Variants in ADGRB3 observed in about 807,000 individuals in gnomAD.
ADGRB3 encodes brain-specific angiogenesis inhibitor 3.
Under a neutral mutation model 193.4 loss-of-function variants are expected in ADGRB3, and 37 were observed. That is an observed-to-expected ratio of 0.19 (90% CI 0.15 to 0.25). The LOEUF is 0.25. Ranked by LOEUF, ADGRB3 falls within the 10% of genes least tolerant of loss-of-function variation. ADGRB3 has a pLI of 1.00. For missense variants in ADGRB3, 1,637 were observed against 1,852.9 expected, an observed-to-expected ratio of 0.88 and a Z score of 2.14; for synonymous variants, 690 against 644.2, an observed-to-expected ratio of 1.07 and a Z score of -1.08.
At chr6:68,951,580 A>T (rs1767921068) in intron 6 of ADGRB3, among the ~76,000 whole-genome samples, 1 of 151,972 alleles carries the variant, frequency 6.6e-6, no homozygotes, top group Non-Finnish European at 1.5e-5. Context: ...ATTTTCTATA[A>T]ATCTTTACTC....
At chr6:69,176,573 C>T (rs1289266193) in intron 17 of ADGRB3, among the ~76,000 whole-genome samples, 1 of 152,090 alleles carries the variant, frequency 6.6e-6, no homozygotes, top group Non-Finnish European at 1.5e-5. Context: ...TGTCCATGTT[C>T]ATCAGGGATA....
At chr6:69,189,231 A>T (rs1561946823) in intron 17 of ADGRB3, among the ~76,000 whole-genome samples, 1 of 152,230 alleles carries the variant, frequency 6.6e-6, no homozygotes, top group African/African-American at 2.4e-5. Context: ...TGGTGCAGTC[A>T]CAATAGGAAC....
chr6:68,764,931 T>A (rs569963976), intron 3 of ADGRB3, among the ~76,000 whole-genome samples: 1 of 152,340 alleles, frequency 6.6e-6, no homozygotes, highest in South Asian at 2.1e-4. Context: ...TTTTGGAATA[T>A]CTTAGGAAAT....
chr6:69,112,821 A>C (rs1335350465), intron 17 of ADGRB3, among the ~76,000 whole-genome samples: 3 of 151,994 alleles, frequency 2.0e-5, no homozygotes, highest in African/African-American at 7.3e-5. Context: ...GCAGTGGCAC[A>C]ATCTTGGCTC....
chr6:68,982,209 T>A (rs1192012003), intron 10 of ADGRB3, among the ~76,000 whole-genome samples: 2 of 152,158 alleles, frequency 1.3e-5, no homozygotes, highest in African/African-American at 4.8e-5. Flanking sequence ...TTTTTGTCTG[T>A]CGTATCTCCT....
intron 20 of ADGRB3, among the ~76,000 whole-genome samples, chr6:69,321,630 G>A (rs1768459255): frequency 1.3e-5 from 2 of 151,720 alleles, no homozygotes; most frequent in South Asian, 4.2e-4. Flanking sequence ...GATCACTGGG[G>A]GCTTACTGAT....
intron 3 of ADGRB3, among the ~76,000 whole-genome samples, chr6:68,821,405 C>G (rs1767745940): frequency 6.6e-6 from 1 of 151,872 alleles, no homozygotes; most frequent in African/African-American, 2.4e-5. Context: ...GTACACTACT[C>G]TCACTTATCA....
intron 14 of ADGRB3, among the ~76,000 whole-genome samples, chr6:69,048,569 G>A: frequency 6.6e-6 from 1 of 152,046 alleles, no homozygotes; most frequent in East Asian, 1.9e-4. Flanking sequence ...TTATCGACCT[G>A]AGTTTGACAT....
At chr6:69,174,370 G>T (rs1229165029) in intron 17 of ADGRB3, among the ~76,000 whole-genome samples, 4 of 152,162 alleles carry the variant, frequency 2.6e-5, no homozygotes, top group African/African-American at 9.7e-5. Context: ...CCCTGTTCCT[G>T]CATGAATTTG....
intron 20 of ADGRB3, among the ~76,000 whole-genome samples, chr6:69,274,316 T>C (rs193187767): frequency 7.9e-5 from 12 of 152,322 alleles, no homozygotes; most frequent in Admixed American, 2.0e-4. Context: ...CACAAACAGC[T>C]AAACATCTTA....
rs536720541 is a variant in ADGRB3 at position 68,971,623 on chromosome 6, GA to G, written c.1526-3139del. On this transcript the variant is annotated intron_variant, in intron 8 of 31. Transcript: ENST00000370598. ...CATCAGTGAATTTTGGTATCTGCAG[GA>G]GATCCTGGTACAAATCCCCCATAGA... Among the ~76,000 whole-genome samples, 12 of 152,306 alleles carry G rather than the reference GA, an allele frequency of 7.9e-5. No individual in the cohort carries two copies. In the East Asian group the frequency reaches 2.1e-3, roughly 27 times the overall value.
intron 17 of ADGRB3, among the ~76,000 whole-genome samples, chr6:69,141,018 T>A (rs1030442080): frequency 1.3e-5 from 2 of 150,538 alleles, no homozygotes; most frequent in Non-Finnish European, 3.0e-5. Context: ...GCAGGACAAA[T>A]AAGTAAAATA....
Position 69,295,207 on chromosome 6 carries a change from C to T in ADGRB3, c.2815-29665C>T, listed in dbSNP as rs576282698. Among the ~76,000 whole-genome samples, 12 of 152,180 alleles carry T rather than the reference C, an allele frequency of 7.9e-5. No individual in the cohort carries two copies. The South Asian group carries it at 8.3e-4, about 11-fold the overall frequency. On this transcript the variant is annotated intron_variant, in intron 20 of 31. Transcript: ENST00000370598. ...GAATCCATATCTAATATATAAATAA[C>T]GAGGTAACAAGAGAAACAAACAATG... is the stretch of plus-strand genomic sequence containing the variant.
At chr6:69,345,271 T>C (rs1181709121) in intron 26 of ADGRB3, among the ~76,000 whole-genome samples, 1 of 152,186 alleles carries the variant, frequency 6.6e-6, no homozygotes, top group African/African-American at 2.4e-5. Flanking sequence ...TTTGAGGTTG[T>C]ACTGATTCTA....
intron 17 of ADGRB3, among the ~76,000 whole-genome samples, chr6:69,093,356 A>G (rs904375572): frequency 4.6e-5 from 7 of 151,674 alleles, no homozygotes; most frequent in African/African-American, 1.7e-4. Context: ...TCTAGGTTCC[A>G]GAGGGGAGGT....
chr6:68,941,381 G>T (rs1010379953), intron 5 of ADGRB3, among the ~76,000 whole-genome samples: 1 of 152,084 alleles, frequency 6.6e-6, no homozygotes, highest in Non-Finnish European at 1.5e-5. Flanking sequence ...AATGAGCCAT[G>T]AACTTTTACC....
chr6:68,874,678 T>C (rs1765542585), intron 3 of ADGRB3, among the ~76,000 whole-genome samples: 1 of 152,150 alleles, frequency 6.6e-6, no homozygotes. Context: ...CTTAAACATA[T>C]AGTGCTGGAT....
intron 3 of ADGRB3, among the ~76,000 whole-genome samples, chr6:68,653,161 C>T (rs769006772): frequency 3.9e-5 from 6 of 152,114 alleles, no homozygotes; most frequent in South Asian, 2.1e-4. Context: ...AGAGAAGGGG[C>T]TCCTCTCTCA....
intron 15 of ADGRB3, among the ~76,000 whole-genome samples, chr6:69,051,587 A>T (rs1771394922): frequency 6.6e-6 from 1 of 152,172 alleles, no homozygotes; most frequent in African/African-American, 2.4e-5. Context: ...ACTAGTGTTT[A>T]CTTCTCATTT....
Sources: allele counts gnomAD v4.1 joint callset (sites outside exome capture counted in the v4.1 genomes callset), GRCh38; gene constraint gnomAD v4.1.1; transcripts MANE v1.5; gene names NCBI Gene and HGNC (gene_info 2026-07-23, HGNC 2026-07-21).